Variants in CNTNAP2 observed in about 807,000 individuals in gnomAD.
CNTNAP2 encodes contactin associated protein 2, also known as contactin-associated protein-like 2.
In CNTNAP2, 98 loss-of-function variants were observed where a neutral mutation model predicts 155.2. That is an observed-to-expected ratio of 0.63 (90% CI 0.54 to 0.75). CNTNAP2 has a LOEUF of 0.75. Among genes scored for constraint, CNTNAP2 ranks in the 30% least tolerant of loss-of-function variants. The probability of loss-of-function intolerance (pLI) is 0.00; values close to 1 mark genes in which losing one functional copy is unlikely to be tolerated. For missense variants in CNTNAP2, 1,727 were observed against 1,688.1 expected (o/e 1.02, Z -0.40); for synonymous variants, 651 against 631.2 (o/e 1.03, Z -0.47).
chr7:146,663,135 G>T (rs533050348), intron 1 of CNTNAP2, among the ~76,000 whole-genome samples: 5 of 151,682 alleles, frequency 3.3e-5, no homozygotes, highest in East Asian at 3.9e-4. Flanking sequence ...AATAATAGCC[G>T]GCTGTGGTGG....
At chr7:147,435,171 T>C (rs1215334223) in intron 10 of CNTNAP2, among the ~76,000 whole-genome samples, 2 of 152,162 alleles carry the variant, frequency 1.3e-5, no homozygotes, top group Admixed American at 6.6e-5. Context: ...GAAGACCAAA[T>C]TGTGCTCAGA....
At chr7:146,627,508 A>G (rs1799439464) in intron 1 of CNTNAP2, among the ~76,000 whole-genome samples, 1 of 152,196 alleles carries the variant, frequency 6.6e-6, no homozygotes, top group Non-Finnish European at 1.5e-5. Flanking sequence ...TTTAGAATAT[A>G]CTAAATGTAA....
chr7:147,251,148 A>G (rs1199749362), intron 8 of CNTNAP2, among the ~76,000 whole-genome samples: 1 of 152,154 alleles, frequency 6.6e-6, no homozygotes, highest in African/African-American at 2.4e-5. Context: ...TCCTCGCTAG[A>G]GGACTCTGTG....
At chr7:147,118,352 T>C (rs757585527) in intron 5 of CNTNAP2, among the ~76,000 whole-genome samples, 8 of 152,230 alleles carry the variant, frequency 5.3e-5, no homozygotes, top group Non-Finnish European at 8.8e-5. Flanking sequence ...ATATGTAATT[T>C]GCAACATTAA....
At chr7:146,880,875 C>A (rs1795536300) in intron 3 of CNTNAP2, among the ~76,000 whole-genome samples, 1 of 152,126 alleles carries the variant, frequency 6.6e-6, no homozygotes, top group Non-Finnish European at 1.5e-5. Context: ...TTCACAAGGA[C>A]TTACTAACTT....
chr7:146,461,846 G>C (rs1480737792), intron 1 of CNTNAP2, among the ~76,000 whole-genome samples: 1 of 152,116 alleles, frequency 6.6e-6, no homozygotes, highest in African/African-American at 2.4e-5. Flanking sequence ...CTGGAAAAAA[G>C]GAAAATCAAC....
intron 1 of CNTNAP2, among the ~76,000 whole-genome samples, chr7:146,455,548 C>A (rs1402846373): frequency 6.6e-6 from 1 of 152,144 alleles, no homozygotes; most frequent in East Asian, 1.9e-4. Flanking sequence ...CAGGAGGCAT[C>A]CCTGTCTCGT....
intron 9 of CNTNAP2, among the ~76,000 whole-genome samples, chr7:147,337,461 G>A (rs906014570): frequency 6.6e-6 from 1 of 152,080 alleles, no homozygotes; most frequent in Non-Finnish European, 1.5e-5. Flanking sequence ...GTATTCTACA[G>A]TTACTCTGAG....
chr7:146,737,261 C>A (rs566275581), intron 1 of CNTNAP2, among the ~76,000 whole-genome samples: 6 of 152,206 alleles, frequency 3.9e-5, no homozygotes, highest in Admixed American at 3.9e-4. Context: ...TGCATTACCT[C>A]ACATAGTTAT....
At chr7:146,917,952 T>A (rs908016018) in intron 3 of CNTNAP2, among the ~76,000 whole-genome samples, 1 of 152,204 alleles carries the variant, frequency 6.6e-6, no homozygotes, top group African/African-American at 2.4e-5. Context: ...ACGTCTTTTT[T>A]AACTGCTGTT....
intron 21 of CNTNAP2, among the ~76,000 whole-genome samples, chr7:148,333,257 G>A (rs1444050160): frequency 1.3e-5 from 2 of 152,010 alleles, no homozygotes; most frequent in African/African-American, 4.8e-5. Flanking sequence ...GCAAAACCCC[G>A]TCTCTACTAA....
rs368839200 is a variant in CNTNAP2 at position 146,912,124 on chromosome 7, T to C, written c.402+72220T>C. The stretch of plus-strand genomic sequence containing the variant: ...TAAAATGTTTGATTTTAATGAGTCA[T>C]TGAATATGTATTAGCTTTTATGAGA... On this transcript the variant is annotated intron_variant, in intron 3 of 23. Transcript: ENST00000361727. Among the ~76,000 whole-genome samples the C allele has an allele frequency of 4.4e-4, 66 of 150,926 alleles. No homozygotes were observed. In the East Asian group the frequency reaches 7.2e-3, roughly 16 times the overall value.
intron 1 of CNTNAP2, among the ~76,000 whole-genome samples, chr7:146,671,824 T>TC: frequency 6.6e-6 from 1 of 151,956 alleles, no homozygotes; most frequent in Non-Finnish European, 1.5e-5. Context: ...GTTTTTATTT[T>TC]TATTTTTTTT....
At position 147,108,136 on chromosome 7, in the gene CNTNAP2, T is replaced by TG. The variant is rs35167289; in HGVS notation, c.551-11_551-10insG. The TG allele has an allele frequency of 0.4, 645,302 of 1,607,876 alleles. 132,125 individuals carry two copies. Among genetic ancestry groups the TG allele is most frequent in the Admixed American group, 0.54 (32,196 of 59,756 alleles). On this transcript the variant is annotated splice_polypyrimidine_tract_variant and intron_variant, in intron 4 of 23. Transcript: ENST00000361727. Reference sequence around the variant, plus strand: ...GGCTGAACTAATATGTTATTTTTTTTTTTGTTTTAGGGGCTGATGTTATCA... The same window carrying TG: ...GGCTGAACTAATATGTTATTTTTTTTGTTTGTTTTAGGGGCTGATGTTATCA...
intron 21 of CNTNAP2, among the ~76,000 whole-genome samples, chr7:148,310,325 C>G (rs1274366320): frequency 1.3e-5 from 2 of 152,148 alleles, no homozygotes; most frequent in East Asian, 3.9e-4. Context: ...CAGAGTCCTC[C>G]TTTTTCAGCA....
At chr7:147,181,747 T>G (rs986157484) in intron 8 of CNTNAP2, among the ~76,000 whole-genome samples, 1 of 152,222 alleles carries the variant, frequency 6.6e-6, no homozygotes, top group Admixed American at 6.5e-5. Context: ...TATAAAATAC[T>G]TGAAGGCAGT....
intron 3 of CNTNAP2, among the ~76,000 whole-genome samples, chr7:146,917,158 T>C (rs1488532419): frequency 6.6e-6 from 1 of 152,172 alleles, no homozygotes; most frequent in Non-Finnish European, 1.5e-5. Context: ...GATTTCAAAT[T>C]TTATTCCACT....
chr7:146,711,162 G>T (rs1397110383), intron 1 of CNTNAP2, among the ~76,000 whole-genome samples: 1 of 150,232 alleles, frequency 6.7e-6, no homozygotes, highest in Non-Finnish European at 1.5e-5. Flanking sequence ...AGGAGAAAAT[G>T]CTTGCAAGGC....
chr7:148,415,260 C>T (rs1164328719), intron 23 of CNTNAP2, among the ~76,000 whole-genome samples, 157 bp from the exon 24 acceptor site: 2 of 152,178 alleles, frequency 1.3e-5, no homozygotes, highest in African/African-American at 4.8e-5. Context: ...TGGACAAAAA[C>T]AGACATCTTA....
Sources: allele counts gnomAD v4.1 joint callset (sites outside exome capture counted in the v4.1 genomes callset), GRCh38; gene constraint gnomAD v4.1.1; transcripts MANE v1.5; gene names NCBI Gene and HGNC (gene_info 2026-07-23, HGNC 2026-07-21).